The following SPAG5 variants were observed in gnomAD, a reference collection of about 807,000 sequenced individuals.
SPAG5 encodes the protein sperm-associated antigen 5.
Under a neutral mutation model 145.4 loss-of-function variants are expected in SPAG5, and 99 were observed. The observed-to-expected ratio is 0.68, with a 90% CI of 0.58 to 0.80. The LOEUF (loss-of-function observed/expected upper bound fraction) is 0.80, where lower values mean the gene tolerates loss of function less well. Among genes scored for constraint, SPAG5 ranks in the 30% least tolerant of loss-of-function variants. SPAG5 has a pLI of 0.00. For missense variants in SPAG5, 1,192 were observed against 1,416.0 expected, an observed-to-expected ratio of 0.84 and a Z score of 2.54; for synonymous variants, 477 against 525.4, an observed-to-expected ratio of 0.91 and a Z score of 1.26.
rs1199294215 is a variant in SPAG5, at chr17:28,583,974, C to T, written c.2425G>A (p.Glu809Lys). The change falls in exon 14 of 24, where the codon GAG (glutamate) becomes AAG (lysine). Residue 809 changes from glutamate to lysine, a missense_variant. Glu to Lys is a moderately conservative substitution (Grantham distance 56). Transcript: ENST00000321765. The part of the protein sequence containing the change: ...LKETLEFADQ[E>K]NQVAHLELGQ... ...AGCTCCAGGTGAGCAACCTGATTCT[C>T]CTGGTCTGCAAACTGGGAAGACAAG... The T allele has an allele frequency of 2.5e-6, 4 of 1,614,144 alleles. No homozygotes were observed. The highest frequency in any genetic ancestry group is 3.4e-6 in the Non-Finnish European group (4 of 1,180,042).
chr17:28,592,631 A>T lies in SPAG5; in HGVS notation c.613T>A (p.Ser205Thr). 1 of 1,613,930 alleles carries T rather than the reference A, an allele frequency of 6.2e-7. No homozygotes were observed. The highest frequency in any genetic ancestry group is 8.5e-7 in the Non-Finnish European group (1 of 1,179,984). Residue 205 changes from serine to threonine, a missense_variant, in exon 3 of 24, where the codon TCT (serine) becomes ACT (threonine). Physicochemically the swap from Ser to Thr is moderately conservative, Grantham distance 58. Coordinates refer to ENST00000321765, the MANE Select transcript of SPAG5 (RefSeq NM_006461.4). ...QESPSHLLEE[S>T]PPNPCSEQLH... ...TGTTCAGAACAGGGATTTGGTGGAGACTCCTCTAAGAGATGGGACGGAGAT... is the reference window on the plus strand; with the variant it reads ...TGTTCAGAACAGGGATTTGGTGGAGTCTCCTCTAAGAGATGGGACGGAGAT...
chr17:28,578,514 C>G lies in SPAG5; in HGVS notation c.3213G>C (p.Glu1071Asp). The G allele has an allele frequency of 6.2e-7, 1 of 1,610,822 alleles. No homozygotes were observed. Among genetic ancestry groups the G allele is most frequent in the Non-Finnish European group, 8.5e-7 (1 of 1,180,004 alleles). The change falls in exon 21 of 24, where the codon GAG (glutamate) becomes GAC (aspartate). Residue 1071 changes from glutamate to aspartate, a missense_variant. This residue lies in a region of SPAG5 where 709 missense variants were observed against 840.7 expected (regional missense o/e 0.84). Coordinates refer to ENST00000321765, the MANE Select transcript of SPAG5 (RefSeq NM_006461.4). The part of the protein sequence containing the change: ...KSGELISLRE[E>D]VTHLTRSLRR... ...GAAGTGAGCGGGTAAGGTGGGTCAC[C>G]TCCTCTCTAAGGCTCTGGGAATGAG...
rs754062791 is a variant in SPAG5 at position 28,585,143 on chromosome 17, C to A, written c.2026G>T (p.Ala676Ser). 6.2e-7 allele frequency: 1 copy of A among 1,614,230 alleles called. No homozygotes were observed. Among genetic ancestry groups the A allele is most frequent in the Non-Finnish European group, 8.5e-7 (1 of 1,180,042 alleles). ...ATTGCCACATCACGTTCCTGCAGGG[C>A]TTGCTGGCTCTTGACTGTGAGTTTC... Reference protein sequence around the residue: ...TEKLTVKSQQALQERDVAIEE... With the variant: ...TEKLTVKSQQSLQERDVAIEE... Residue 676 changes from alanine (A) to serine (S), a missense_variant, in exon 10 of 24, where the codon GCC (alanine) becomes TCC (serine). By Grantham distance (99) the Ala-to-Ser change is moderately conservative (BLOSUM62 1). This residue lies in a region of SPAG5 where 709 missense variants were observed against 840.7 expected (regional missense o/e 0.84). Coordinates refer to ENST00000321765, the MANE Select transcript of SPAG5 (RefSeq NM_006461.4).
intron 17 of SPAG5, 22 bp downstream of exon 17, chr17:28,579,729 G>T: frequency 6.2e-7 from 1 of 1,606,748 alleles, no homozygotes; most frequent in Non-Finnish European, 8.5e-7. Flanking sequence ...AATGAGGCAG[G>T]ATCCCTGGAG....
In SPAG5 at chr17:28,584,224, G is replaced by T; in HGVS notation, c.2338C>A (p.His780Asn). ...QWQKEEMALK[H>N]MQAELQQQQA... ...TGCTGCTGCAGTTCTGCCTGCATGTGTTTTAGTGCCATCTCTTCCTTTTGC... is the reference window on the plus strand; with the variant it reads ...TGCTGCTGCAGTTCTGCCTGCATGTTTTTTAGTGCCATCTCTTCCTTTTGC... Residue 780 changes from histidine to asparagine, a missense_variant, in exon 13 of 24, where the codon CAC becomes AAC. Physicochemically the swap from His to Asn is moderately conservative, Grantham distance 68. Around this residue, in one of 5 missense-constraint regions of SPAG5, gnomAD observed 709 missense variants for 840.7 expected, o/e 0.84. Transcript: ENST00000321765. The T allele has an allele frequency of 6.2e-7, 1 of 1,613,934 alleles. No homozygotes were observed. The highest frequency in any genetic ancestry group is 8.5e-7 in the Non-Finnish European group (1 of 1,180,036).
intron 19 of SPAG5, 150 bp downstream of exon 19, chr17:28,578,991 C>T: frequency 1.4e-6 from 1 of 698,530 alleles, no homozygotes; most frequent in Non-Finnish European, 2.4e-6. Context: ...CCATAGCTGA[C>T]ATGTGAAATG....
chr17:28,589,484 T>G (rs549871256), intron 4 of SPAG5, among the ~76,000 whole-genome samples: 4 of 152,312 alleles, frequency 2.6e-5, no homozygotes, highest in Admixed American at 1.3e-4. Context: ...CTAGTTGCTA[T>G]CTTTTAAAAA....
At position 28,592,232 on chromosome 17, in the gene SPAG5, A is replaced by C. The variant is rs2070626943; in HGVS notation, c.1012T>G (p.Ser338Ala). Residue 338 changes from serine to alanine, a missense_variant, in exon 3 of 24, where the codon TCT (serine) becomes GCT (alanine). Transcript: ENST00000321765. ...VGRILGSDTE[S>A]WMSPLAWLEK... ...AGCCAGGCCAGTGGGGACATCCAAG[A>C]CTCTGTATCAGAGCCAAGAATCCTA... 6.2e-7 allele frequency: 1 copy of C among 1,613,880 alleles called. No individual in the cohort carries two copies. The highest frequency in any genetic ancestry group is 8.5e-7 in the Non-Finnish European group (1 of 1,179,982).
rs762103858 is a variant in SPAG5 at position 28,591,969 on chromosome 17, T to C, written c.1262+13A>G. The C allele has an allele frequency of 1.9e-6, 3 of 1,612,902 alleles. No homozygotes were observed. Among genetic ancestry groups the C allele is most frequent in the Non-Finnish European group, 2.5e-6 (3 of 1,179,198 alleles). On this transcript the variant is annotated intron_variant, in intron 3 of 23. Coordinates refer to ENST00000321765, the MANE Select transcript of SPAG5 (RefSeq NM_006461.4). ...ATGGAACTCACGAGGTGCAAGGACA[T>C]AGGGGCGCTTACCCACACAGGAGCT...
At chr17:28,582,671 C>T (rs1378884093) in intron 15 of SPAG5, 1 of 152,160 alleles carries the variant, frequency 6.6e-6, no homozygotes, top group Non-Finnish European at 1.5e-5. Context: ...AGGTCATAAG[C>T]AATTGCCAGA....
chr17:28,598,801 C>T lies in SPAG5; in HGVS notation c.51+95G>A. 2.0e-6 allele frequency: 3 copies of T among 1,537,806 alleles called. No individual in the cohort carries two copies. In the South Asian group the frequency reaches 3.4e-5, roughly 17 times the overall value. ...CAAAGACTCCACAAGCCCCCAACCCCGGGCTCGACCCAACTTTCCAGGACA... is the reference window on the plus strand; with the variant it reads ...CAAAGACTCCACAAGCCCCCAACCCTGGGCTCGACCCAACTTTCCAGGACA... On this transcript the variant is annotated intron_variant, in intron 1 of 23. Transcript: ENST00000321765.
rs775016786 is a variant in SPAG5 at position 28,579,725 on chromosome 17, G to A, written c.2884+26C>T. 5.0e-6 allele frequency: 8 copies of A among 1,603,192 alleles called. No homozygotes were observed. The East Asian group carries it at 1.8e-4, about 36-fold the overall frequency. On this transcript the variant is annotated intron_variant, in intron 17 of 23. Transcript: ENST00000321765. ...CACCACCAGATTTTCTAGAAATGAGGCAGGATCCCTGGAGCCCCTCCTAAC... is the reference window on the plus strand; with the variant it reads ...CACCACCAGATTTTCTAGAAATGAGACAGGATCCCTGGAGCCCCTCCTAAC...
chr17:28,592,567 TCA>T lies in SPAG5; in HGVS notation c.675_676del (p.Glu226GlyfsTer4). 6.2e-7 allele frequency: 1 copy of T among 1,614,222 alleles called. No homozygotes were observed. The highest frequency in any genetic ancestry group is 8.5e-7 in the Non-Finnish European group (1 of 1,180,042). On this transcript the variant is annotated frameshift_variant, in exon 3 of 24. Coordinates refer to ENST00000321765, the MANE Select transcript of SPAG5 (RefSeq NM_006461.4). LOFTEE classifies it high-confidence loss of function. ...AGGTACTAAGTCCTCACGCACAGCC[TCA>T]GTTCTACTGCTCAGGCTTTCCTTGG...
intron 2 of SPAG5, among the ~76,000 whole-genome samples, chr17:28,597,863 T>G (rs2070678488): frequency 6.6e-6 from 1 of 152,194 alleles, no homozygotes; most frequent in Non-Finnish European, 1.5e-5. Flanking sequence ...AACTACATAG[T>G]TCTCATTATC....
chr17:28,597,142 C>A (rs1202265046), intron 2 of SPAG5, among the ~76,000 whole-genome samples: 1 of 151,956 alleles, frequency 6.6e-6, no homozygotes, highest in Non-Finnish European at 1.5e-5. Flanking sequence ...TCAGGCCAGG[C>A]ACAGTGGCTC....
At chr17:28,583,046 T>C (rs2070558679) in intron 15 of SPAG5, among the ~76,000 whole-genome samples, 1 of 152,206 alleles carries the variant, frequency 6.6e-6, no homozygotes, top group African/African-American at 2.4e-5. Flanking sequence ...GGTATGATCA[T>C]GGCTCACTGC....
chr17:28,578,322 C>T (rs760387636), intron 21 of SPAG5, 30 bp from the exon 22 acceptor site: 3 of 1,614,082 alleles, frequency 1.9e-6, no homozygotes, highest in Admixed American at 3.3e-5. Flanking sequence ...AACAGGGGTA[C>T]AGCCTGGGGT....
chr17:28,579,793 C>T lies in SPAG5; in HGVS notation c.2842G>A (p.Ala948Thr). The T allele has an allele frequency of 6.2e-7, 1 of 1,614,182 alleles. No individual in the cohort carries two copies. Residue 948 changes from alanine to threonine, a missense_variant, in exon 17 of 24, where the codon GCT (alanine) becomes ACT (threonine). This residue lies in a region of SPAG5 where 709 missense variants were observed against 840.7 expected (regional missense o/e 0.84). Coordinates refer to ENST00000321765, the MANE Select transcript of SPAG5 (RefSeq NM_006461.4). ...ACCATTGATGCTACTCGGGTGAAAG[C>T]ACTCTTGTCACTTCCAAGCAAGGGC... Reference protein sequence around the residue: ...PVPLLGSDKSAFTRVASMVSL... With the variant: ...PVPLLGSDKSTFTRVASMVSL...
intron 4 of SPAG5, among the ~76,000 whole-genome samples, chr17:28,591,012 A>AAC (rs1340792269): frequency 6.6e-6 from 1 of 152,166 alleles, no homozygotes; most frequent in Non-Finnish European, 1.5e-5. Flanking sequence ...CCTATATCAA[A>AAC]ACATCTCATG....
Sources: allele counts gnomAD v4.1 joint callset (sites outside exome capture counted in the v4.1 genomes callset), GRCh38; gene constraint gnomAD v4.1.1; regional missense constraint gnomAD v4.1.1; transcripts MANE v1.5; gene names NCBI Gene and HGNC (gene_info 2026-07-23, HGNC 2026-07-21).